Variants in SIN3B observed in about 807,000 individuals in gnomAD.
SIN3B encodes SIN3 transcription regulator family member B.
In SIN3B, 19 loss-of-function variants were observed where a neutral mutation model predicts 120.2. The observed-to-expected ratio is 0.16, with a 90% CI of 0.11 to 0.23. The LOEUF (loss-of-function observed/expected upper bound fraction) is 0.23, where lower values mean the gene tolerates loss of function less well. Ranked by LOEUF, SIN3B falls within the 10% of genes least tolerant of loss-of-function variation. SIN3B has a pLI of 1.00. For missense variants in SIN3B, 1,073 were observed against 1,573.0 expected (o/e 0.68, Z 5.38); for synonymous variants, 654 against 653.2 (o/e 1.00, Z -0.02).
chr19:16,855,400 G>A (rs1377384461), intron 8 of SIN3B: 1 of 93,010 alleles, frequency 1.1e-5, no homozygotes, highest in Non-Finnish European at 2.0e-5. Context: ...AAATTCCCTG[G>A]AGATTCACCT....
Position 16,829,433 on chromosome 19 carries a change from G to A in SIN3B, c.13G>A (p.Gly5Ser), listed in dbSNP as rs1971247891. MAHA[G>S]GGSGGSGAGG... Reference sequence around the variant, plus strand: ...TCCGACTTCGGACATGGCGCACGCTGGCGGTGGCAGCGGTGGCAGCGGTGC... The same window carrying A: ...TCCGACTTCGGACATGGCGCACGCTAGCGGTGGCAGCGGTGGCAGCGGTGC... Residue 5 changes from glycine to serine, a missense_variant, in exon 1 of 19, where the codon GGC becomes AGC. Transcript: ENST00000248054. 8.3e-7 allele frequency: 1 copy of A among 1,208,736 alleles called. No homozygotes were observed. The highest frequency in any genetic ancestry group is 1.6e-5 in the African/African-American group (1 of 63,410). The allele number at this position is 1,208,736 out of a possible 1,614,324, so 74.9% of individuals were successfully genotyped here.
At chr19:16,870,687 A>G (rs1438617168) in intron 13 of SIN3B, among the ~76,000 whole-genome samples, 1 of 151,218 alleles carries the variant, frequency 6.6e-6, no homozygotes, top group Non-Finnish European at 1.5e-5. Flanking sequence ...AGTAGCTGGG[A>G]TTACAGGCAC....
At chr19:16,851,364 G>A (rs777124333) in intron 5 of SIN3B, 48 bp from the exon 6 acceptor site, 8 of 1,521,604 alleles carry the variant, frequency 5.3e-6, no homozygotes, top group Non-Finnish European at 7.1e-6. Flanking sequence ...CAGGTGCATG[G>A]GTCCAGCCAC....
At chr19:16,863,125 A>G in intron 9 of SIN3B, 2 of 628,802 alleles carry the variant, frequency 3.2e-6, no homozygotes, top group Non-Finnish European at 5.6e-6. Context: ...TTCATCTGGG[A>G]TGGCCTGCAA....
intron 8 of SIN3B, among the ~76,000 whole-genome samples, chr19:16,857,053 C>T (rs1971625534): frequency 6.6e-6 from 1 of 152,136 alleles, no homozygotes; most frequent in African/African-American, 2.4e-5. Context: ...ATTATTTTTG[C>T]ATTGCTGTCA....
chr19:16,832,744 T>C (rs2144571417), intron 3 of SIN3B, among the ~76,000 whole-genome samples: 1 of 152,212 alleles, frequency 6.6e-6, no homozygotes, highest in South Asian at 2.1e-4. Flanking sequence ...CCTCAAGCGA[T>C]GTGCCCACCT....
intron 4 of SIN3B, among the ~76,000 whole-genome samples, 196 bp from the exon 5 acceptor site, chr19:16,846,774 A>G (rs1445794630): frequency 6.6e-6 from 1 of 151,906 alleles, no homozygotes; most frequent in Non-Finnish European, 1.5e-5. Context: ...ATACTCCTGG[A>G]CGGGACCTGC....
chr19:16,853,085 G>C lies in SIN3B; in HGVS notation c.866G>C (p.Arg289Pro). 6.2e-7 allele frequency: 1 copy of C among 1,614,128 alleles called. No homozygotes were observed. Among genetic ancestry groups the C allele is most frequent in the Non-Finnish European group, 8.5e-7 (1 of 1,179,982 alleles). Residue 289 changes from arginine (R) to proline (P), a missense_variant, in exon 7 of 19, where the codon CGT (arginine) becomes CCT (proline). By Grantham distance (103) the Arg-to-Pro change is moderately radical (BLOSUM62 -2). Coordinates refer to ENST00000248054, the MANE Select transcript of SIN3B (RefSeq NM_001297595.2). Reference protein sequence around the residue: ...SAPAKKKMKLRGTKDLSIAAV... With the variant: ...SAPAKKKMKLPGTKDLSIAAV... ...TCCCCACAGAAAAAAATGAAACTTC[G>C]TGGTACCAAAGACCTGTCCATCGCT...
intron 3 of SIN3B, among the ~76,000 whole-genome samples, chr19:16,833,568 G>A (rs1971306706): frequency 6.6e-6 from 1 of 150,904 alleles, no homozygotes; most frequent in South Asian, 2.1e-4. Flanking sequence ...GGAGGCGGAG[G>A]TTGCAGTGAG....
rs112358993 is a variant in SIN3B, at chr19:16,876,465, G to T, written c.2767-21G>T. On this transcript the variant is annotated intron_variant, in intron 15 of 18. Transcript: ENST00000248054. This position sits in a 1 kb window ranked among gnomAD's most constrained non-coding sequence, Gnocchi z 7.1. ...CTGGGCTGTGCCGGCAGTGGAGGCT[G>T]TCAGCGTTCCTGCTCCGCAGGTGAT... The T allele has an allele frequency of 1.9e-5, 30 of 1,607,138 alleles. No homozygotes were observed. Among genetic ancestry groups the T allele is most frequent in the Middle Eastern group, 3.3e-4 (2 of 6,056 alleles).
intron 6 of SIN3B, 115 bp downstream of exon 6, chr19:16,851,649 G>A (rs1971547854): frequency 7.5e-7 from 1 of 1,337,010 alleles, no homozygotes; most frequent in East Asian, 2.8e-5. Flanking sequence ...CTGGACCGGG[G>A]GCTGTGTGAG....
intron 12 of SIN3B, among the ~76,000 whole-genome samples, chr19:16,868,400 G>C (rs772060792): frequency 6.6e-6 from 1 of 152,206 alleles, no homozygotes. Context: ...TTCCCCAAGA[G>C]CCCTGCTGCG....
intron 3 of SIN3B, among the ~76,000 whole-genome samples, chr19:16,839,929 G>A (rs1422913565): frequency 1.3e-5 from 2 of 152,040 alleles, no homozygotes; most frequent in East Asian, 1.9e-4. Flanking sequence ...ACTTGAACCC[G>A]GGAGGCAAAG....
intron 3 of SIN3B, among the ~76,000 whole-genome samples, chr19:16,834,603 G>A (rs1971321727): frequency 6.6e-6 from 1 of 152,118 alleles, no homozygotes; most frequent in African/African-American, 2.4e-5. Flanking sequence ...CTGCAGCCTG[G>A]GAACAGTCAT....
chr19:16,858,898 A>G (rs926702616), intron 8 of SIN3B, among the ~76,000 whole-genome samples: 2 of 152,172 alleles, frequency 1.3e-5, no homozygotes, highest in East Asian at 1.9e-4. Context: ...TGCAATGAGC[A>G]AAGATTGTAC....
Position 16,846,824 on chromosome 19 carries a change from A to G in SIN3B, c.583-146A>G, listed in dbSNP as rs898487398. 9.8e-6 allele frequency: 8 copies of G among 818,340 alleles called. No homozygotes were observed. The African/African-American group carries it at 1.4e-4, about 14-fold the overall frequency. 50.7% of individuals were successfully genotyped at this position (818,340 alleles called of 1,614,324 possible). On this transcript the variant is annotated intron_variant, in intron 4 of 18. Transcript: ENST00000248054. ...CAGGCCATGCTGGGCAGCAAGATCC[A>G]CAAGTGTGCAGACAGGACCCTGCGG...
chr19:16,847,609 C>T (rs772911370), intron 5 of SIN3B, among the ~76,000 whole-genome samples: 2 of 152,110 alleles, frequency 1.3e-5, no homozygotes, highest in African/African-American at 4.8e-5. Context: ...CAGAGATGGG[C>T]GAGGAGGGGC....
At chr19:16,835,315 G>C (rs1233307924) in intron 3 of SIN3B, among the ~76,000 whole-genome samples, 1 of 148,340 alleles carries the variant, frequency 6.7e-6, no homozygotes, top group Non-Finnish European at 1.5e-5. Flanking sequence ...TGCATCCTCT[G>C]CCTCCCGGGT....
intron 3 of SIN3B, among the ~76,000 whole-genome samples, chr19:16,833,337 A>G (rs560924453): frequency 7.1e-4 from 108 of 152,302 alleles, no homozygotes; most frequent in African/African-American, 2.5e-3. Context: ...GTGTGTGTCA[A>G]TTCTGCTGCT....
Sources: gnomAD v4.1 joint callset for allele counts (sites outside exome capture counted in the v4.1 genomes callset) on GRCh38, gnomAD v4.1.1 for gene constraint, Gnocchi (gnomAD v3.1) non-coding constraint, MANE v1.5 for transcripts, NCBI Gene and HGNC (gene_info 2026-07-23, HGNC 2026-07-21) for gene names.